The following SPAG1 variants were observed in gnomAD, a reference collection of about 807,000 sequenced individuals.
SPAG1 encodes the protein sperm-associated antigen 1.
Under a neutral mutation model 100.5 loss-of-function variants are expected in SPAG1, and 69 were observed. That is an observed-to-expected ratio of 0.69 (90% CI 0.57 to 0.84). The LOEUF (loss-of-function observed/expected upper bound fraction) is 0.84. Ranked by LOEUF, SPAG1 falls within the 40% of genes least tolerant of loss-of-function variation. The pLI, the probability that SPAG1 is intolerant of heterozygous loss-of-function variation, is 0.00. For synonymous variants in SPAG1, 336 were observed against 411.6 expected (o/e 0.82, Z 2.22); for missense variants, 955 against 1,133.1 (o/e 0.84, Z 2.26).
chr8:100,213,855 C>G lies in SPAG1; in HGVS notation c.1472C>G (p.Ser491Ter), dbSNP rs1229115578. 6.2e-7 allele frequency: 1 copy of G among 1,603,366 alleles called. No homozygotes were observed. The highest frequency in any genetic ancestry group is 1.7e-5 in the Admixed American group (1 of 59,672). Residue 491 changes from serine (S) to a stop codon, truncating the protein, a stop_gained, in exon 12 of 19, where the codon TCA becomes TGA. Coordinates refer to ENST00000388798, the MANE Select transcript of SPAG1 (RefSeq NM_003114.5). LOFTEE classifies it high-confidence loss of function. Reference protein sequence around the residue: ...EIADDLSILYSNRAACYLKEG... With the variant: ...EIADDLSILY Reference sequence around the variant, plus strand: ...GCAGATGATCTAAGTATCTTATATTCAAATAGAGCAGCATGTTACCTAAAA... The same window carrying G: ...GCAGATGATCTAAGTATCTTATATTGAAATAGAGCAGCATGTTACCTAAAA...
In SPAG1 at chr8:100,225,457, G is replaced by C. The variant is rs183377959; in HGVS notation, c.1855+118G>C. On this transcript the variant is annotated intron_variant, in intron 14 of 18. Transcript: ENST00000388798. ...AGAATCAGACCTAGGTTTAAGTGAA[G>C]TCCCTGTTCTCCCTATTTTATTATT... is the stretch of plus-strand genomic sequence containing the variant. The C allele has an allele frequency of 3.5e-6, 3 of 859,366 alleles. No homozygotes were observed. In the African/African-American group the frequency reaches 5.1e-5, roughly 15 times the overall value. The allele number at this position is 859,366 out of a possible 1,614,324, so 53.2% of individuals were successfully genotyped here. A position where few individuals can be genotyped will look rare whatever the true frequency, so the allele number is the denominator to read the frequency against.
At chr8:100,210,598 G>A (rs1586489031) in intron 10 of SPAG1, among the ~76,000 whole-genome samples, 1 of 152,064 alleles carries the variant, frequency 6.6e-6, no homozygotes, top group African/African-American at 2.4e-5. Context: ...TGCCTACACT[G>A]TAGATTTTTC....
chr8:100,238,289 C>T (rs1819098917), intron 16 of SPAG1, among the ~76,000 whole-genome samples: 1 of 150,530 alleles, frequency 6.6e-6, no homozygotes, highest in Non-Finnish European at 1.5e-5. Flanking sequence ...TTAAGGTTAT[C>T]CCTTTAAATA....
intron 12 of SPAG1, among the ~76,000 whole-genome samples, chr8:100,214,874 G>A (rs1817894597): frequency 6.6e-6 from 1 of 151,272 alleles, no homozygotes; most frequent in African/African-American, 2.4e-5. Flanking sequence ...CAGCTACTCG[G>A]GAGGCTGAAG....
chr8:100,214,372 G>T (rs929599485), intron 12 of SPAG1, among the ~76,000 whole-genome samples: 7 of 152,038 alleles, frequency 4.6e-5, no homozygotes, highest in African/African-American at 1.5e-4. Context: ...GCTTACTCTC[G>T]CCCACCTTGT....
Position 100,241,816 on chromosome 8 carries a change from A to G in SPAG1, c.*794A>G, listed in dbSNP as rs1819284476. On this transcript the variant is annotated 3_prime_UTR_variant, in exon 19 of 19. Transcript: ENST00000388798. This position sits in a 1 kb window ranked among gnomAD's most constrained non-coding sequence, Gnocchi z 5.1. ...GTTTTCTGCTTTTATGACTGTATTT[A>G]TTCCTTTACTGTAAAAGAATATGAA... 6.6e-6 allele frequency: 1 copy of G among 151,898 alleles called. No homozygotes were observed. Among genetic ancestry groups the G allele is most frequent in the Non-Finnish European group, 1.5e-5 (1 of 68,010 alleles). The allele number at this position is 151,898 out of a possible 1,614,324, so 9.4% of individuals were successfully genotyped here.
chr8:100,175,960 T>C (rs1816094876), intron 3 of SPAG1, among the ~76,000 whole-genome samples: 1 of 152,222 alleles, frequency 6.6e-6, no homozygotes, highest in South Asian at 2.1e-4. Context: ...CAACTGAGTT[T>C]GCACAAAATA....
At chr8:100,233,960 C>T (rs867602850) in intron 16 of SPAG1, among the ~76,000 whole-genome samples, 4 of 152,166 alleles carry the variant, frequency 2.6e-5, no homozygotes, top group Non-Finnish European at 4.4e-5. Flanking sequence ...AGAGACACAT[C>T]GGAGACTTGA....
chr8:100,226,775 T>C (rs1818534241), intron 14 of SPAG1, among the ~76,000 whole-genome samples: 1 of 152,110 alleles, frequency 6.6e-6, no homozygotes, highest in Non-Finnish European at 1.5e-5. Context: ...GGAATAAGAC[T>C]GATATGTTTA....
At chr8:100,221,483 T>C (rs1410907516) in intron 13 of SPAG1, among the ~76,000 whole-genome samples, 2 of 152,220 alleles carry the variant, frequency 1.3e-5, no homozygotes, top group Non-Finnish European at 2.9e-5. Context: ...ATGTATGACA[T>C]TTTCTGATCC....
Position 100,240,773 on chromosome 8 carries a change from T to G in SPAG1, c.2649+2T>G. On this transcript the variant is annotated splice_donor_variant, in intron 18 of 18. Transcript: ENST00000388798. LOFTEE classifies it high-confidence loss of function. ...CTGAGTAAAGCAGAAAGGTTTAAGG[T>G]AAGTGGCTAAGTATTTTATTAGTAG... 6.3e-7 allele frequency: 1 copy of G among 1,575,048 alleles called. No homozygotes were observed. The highest frequency in any genetic ancestry group is 8.6e-7 in the Non-Finnish European group (1 of 1,165,430).
chr8:100,183,931 G>A, intron 5 of SPAG1, 25 bp from the exon 6 acceptor site: 1 of 1,163,412 alleles, frequency 8.6e-7, no homozygotes, highest in Admixed American at 2.5e-5. Context: ...GTACTTTTTT[G>A]GTTTTTATTG....
chr8:100,215,905 C>T (rs1415620461), intron 12 of SPAG1, among the ~76,000 whole-genome samples: 1 of 152,158 alleles, frequency 6.6e-6, no homozygotes. Flanking sequence ...AATTTTTTTG[C>T]CAGTTTTACA....
intron 4 of SPAG1, among the ~76,000 whole-genome samples, chr8:100,179,542 T>A (rs1816276580): frequency 1.3e-5 from 2 of 152,162 alleles, no homozygotes; most frequent in Admixed American, 1.3e-4. Context: ...GTCCCAGAGA[T>A]TCTTCCAGGG....
At chr8:100,229,466 G>T (rs1818668848) in intron 14 of SPAG1, among the ~76,000 whole-genome samples, 1 of 152,128 alleles carries the variant, frequency 6.6e-6, no homozygotes, top group East Asian at 1.9e-4. Context: ...AAAAGAATGA[G>T]GAAGTACATT....
Position 100,213,107 on chromosome 8 carries a change from G to A in SPAG1, c.1114G>A (p.Gly372Arg). 6.8e-7 allele frequency: 1 copy of A among 1,479,406 alleles called. No homozygotes were observed. The highest frequency in any genetic ancestry group is 8.9e-7 in the Non-Finnish European group (1 of 1,121,994). 91.6% of individuals were successfully genotyped at this position (1,479,406 alleles called of 1,614,324 possible). ...CCTCACAGAGCCCGCGGAGCCGGCGGGAGCCGCGCGCGCCGCCCAGCCGTG... is the reference window on the plus strand; with the variant it reads ...CCTCACAGAGCCCGCGGAGCCGGCGAGAGCCGCGCGCGCCGCCCAGCCGTG... ...GGDKKPAEPA[G>R]AARAAQPCVM... Residue 372 changes from glycine to arginine, a missense_variant, in exon 11 of 19, where the codon GGA (glycine) becomes AGA (arginine). Transcript: ENST00000388798.
chr8:100,213,028 G>GCCTCCGCGGCCTCCGCGA, intron 10 of SPAG1, 62 bp from the exon 11 acceptor site: 1 of 1,329,984 alleles, frequency 7.5e-7, no homozygotes, highest in Non-Finnish European at 9.7e-7. Context: ...GGCCTCCGCG[G>GCCTCCGCGGCCTCCGCGA]CCTCCGCGGC....
At chr8:100,212,420 T>C (rs1369840223) in intron 10 of SPAG1, among the ~76,000 whole-genome samples, 1 of 152,232 alleles carries the variant, frequency 6.6e-6, no homozygotes, top group East Asian at 1.9e-4. Flanking sequence ...TTACACATCC[T>C]TTTTATATTT....
intron 16 of SPAG1, among the ~76,000 whole-genome samples, chr8:100,235,528 G>T (rs1331403270): frequency 2.0e-5 from 3 of 152,138 alleles, no homozygotes; most frequent in Non-Finnish European, 4.4e-5. Context: ...TTCAGGAGCG[G>T]GGCAGTTTGG....
Sources: allele counts gnomAD v4.1 joint callset (sites outside exome capture counted in the v4.1 genomes callset), GRCh38; gene constraint gnomAD v4.1.1; non-coding constraint Gnocchi (gnomAD v3.1); transcripts MANE v1.5; gene names NCBI Gene and HGNC (gene_info 2026-07-23, HGNC 2026-07-21).